RNF217: variants seen among roughly 807,000 people sequenced by gnomAD.
The protein encoded by RNF217 is ring finger protein 217.
RNF217 carries 31 observed loss-of-function variants against 57.8 expected under a neutral mutation model. The observed-to-expected ratio is 0.54, with a 90% CI of 0.40 to 0.72. RNF217 has a LOEUF of 0.72. Ranked by LOEUF, RNF217 falls within the 30% of genes least tolerant of loss-of-function variation. The probability of loss-of-function intolerance (pLI) is 0.00; values close to 1 mark genes in which losing one functional copy is unlikely to be tolerated. For synonymous variants in RNF217, 313 were observed against 294.0 expected (o/e 1.06, Z -0.66); for missense variants, 696 against 708.3 (o/e 0.98, Z 0.20).
intron 1 of RNF217, among the ~76,000 whole-genome samples, 175 bp from the exon 2 acceptor site, chr6:125,045,036 T>G (rs1479234696): frequency 6.6e-6 from 1 of 152,130 alleles, no homozygotes; most frequent in East Asian, 1.9e-4. Flanking sequence ...GTAGTGATTA[T>G]TTTGGTATTG....
rs574096900 is a variant in RNF217 at position 124,962,957 on chromosome 6, G to T, written c.413G>T (p.Arg138Leu). 4.4e-6 allele frequency: 7 copies of T among 1,597,426 alleles called. No individual in the cohort carries two copies. The highest frequency in any genetic ancestry group is 2.7e-5 in the African/African-American group (2 of 75,028). ...GGCGAAGAGCTGGAGCCCAGGACCCGCGTGGGGGCCGCCGACGGACTGGTC... is the reference window on the plus strand; with the variant it reads ...GGCGAAGAGCTGGAGCCCAGGACCCTCGTGGGGGCCGCCGACGGACTGGTC... Reference protein sequence around the residue: ...PPGEELEPRTRVGAADGLVLD... With the variant: ...PPGEELEPRTLVGAADGLVLD... Residue 138 changes from arginine to leucine, a missense_variant, in exon 1 of 6, where the codon CGC becomes CTC. Around this residue, in one of 2 missense-constraint regions of RNF217, gnomAD observed 465 missense variants for 386.8 expected, o/e 1.20. Transcript: ENST00000521654. The surrounding 1 kb of genome is among the most constrained non-coding windows in gnomAD (Gnocchi z 4.6).
At chr6:125,044,548 G>A (rs143842584) in intron 1 of RNF217, among the ~76,000 whole-genome samples, 57 of 152,008 alleles carry the variant, frequency 3.7e-4, no homozygotes, top group Non-Finnish European at 5.9e-4. Context: ...GTAAATTACC[G>A]CAGTAGCAGC....
chr6:125,034,915 C>A (rs9375384), intron 1 of RNF217, among the ~76,000 whole-genome samples: 62,408 of 151,574 alleles, frequency 0.41, 13,685 homozygotes, highest in South Asian at 0.57. Flanking sequence ...TCCTTCACAT[C>A]CCTTGTAAGT....
chr6:124,999,410 A>G (rs1170005344), intron 1 of RNF217, among the ~76,000 whole-genome samples: 1 of 150,200 alleles, frequency 6.7e-6, no homozygotes, highest in Non-Finnish European at 1.5e-5. Context: ...CTCTTCTCTC[A>G]TCTTTCCCAC....
chr6:125,009,464 A>C, intron 1 of RNF217: 1 of 475,188 alleles, frequency 2.1e-6, no homozygotes, highest in Non-Finnish European at 3.7e-6. Flanking sequence ...GAAAGAATGT[A>C]AGAAGGCAGA....
chr6:124,966,403 A>T (rs978392950), intron 1 of RNF217, among the ~76,000 whole-genome samples: 1 of 152,174 alleles, frequency 6.6e-6, no homozygotes, highest in African/African-American at 2.4e-5. Context: ...GCCCTACTGA[A>T]CCACATCAAA....
intron 2 of RNF217, among the ~76,000 whole-genome samples, chr6:125,052,786 T>C (rs1243081966): frequency 6.6e-6 from 1 of 152,138 alleles, no homozygotes; most frequent in Non-Finnish European, 1.5e-5. Context: ...TTTTTATAAC[T>C]ACAAGATTTC....
At position 125,086,181 on chromosome 6, in the gene RNF217, C is replaced by CTT. The variant is rs2114668631; in HGVS notation, c.*3244_*3245insTT. 1 of 152,018 alleles carries CTT rather than the reference C, an allele frequency of 6.6e-6. No individual in the cohort carries two copies. The highest frequency in any genetic ancestry group is 6.6e-5 in the Admixed American group (1 of 15,252). 9.4% of individuals were successfully genotyped at this position (152,018 alleles called of 1,614,324 possible). ...ATGAGGTCATAGAGATAATATGAGACCCTTTTTTGGATAAAAAGAAAGATT... is the reference window on the plus strand; with the variant it reads ...ATGAGGTCATAGAGATAATATGAGACTTCCTTTTTTGGATAAAAAGAAAGATT... On this transcript the variant is annotated 3_prime_UTR_variant, in exon 6 of 6. Coordinates refer to ENST00000521654, the MANE Select transcript of RNF217 (RefSeq NM_001286398.3).
intron 1 of RNF217, among the ~76,000 whole-genome samples, chr6:125,014,004 A>AT (rs1785514608): frequency 6.6e-6 from 1 of 152,174 alleles, no homozygotes; most frequent in East Asian, 1.9e-4. Flanking sequence ...AATTTATTTT[A>AT]TTTAAGATTT....
rs141521976 is a variant in RNF217, at chr6:124,999,788, G to A, written c.882+36362G>A. Among the ~76,000 whole-genome samples, 1,200 of 151,816 alleles carry A rather than the reference G, an allele frequency of 7.9e-3. 7 individuals carry two copies. The highest frequency in any genetic ancestry group is 0.012 in the Non-Finnish European group (806 of 67,896). On this transcript the variant is annotated intron_variant, in intron 1 of 5. Coordinates refer to ENST00000521654, the MANE Select transcript of RNF217 (RefSeq NM_001286398.3). ...CCTGGTGTTGACTTAGCATTGTAACGTTAAAAAAAAATCCAGTTGTACTTT... is the reference window on the plus strand; with the variant it reads ...CCTGGTGTTGACTTAGCATTGTAACATTAAAAAAAAATCCAGTTGTACTTT...
intron 1 of RNF217, among the ~76,000 whole-genome samples, chr6:124,975,382 T>G (rs529319901): frequency 6.6e-6 from 1 of 152,342 alleles, no homozygotes; most frequent in African/African-American, 2.4e-5. Context: ...CAGGTGACTC[T>G]GATATGGCCA....
At chr6:124,984,123 C>A (rs190011780) in intron 1 of RNF217, among the ~76,000 whole-genome samples, 168 of 152,248 alleles carry the variant, frequency 1.1e-3, no homozygotes, top group Admixed American at 4.1e-3. Context: ...ACATTCACAC[C>A]ACAGCAATAA....
chr6:124,992,129 G>C (rs1784583544), intron 1 of RNF217, among the ~76,000 whole-genome samples: 1 of 152,124 alleles, frequency 6.6e-6, no homozygotes, highest in Admixed American at 6.6e-5. Flanking sequence ...AAGCTACAAA[G>C]TAATGCCAGT....
intron 1 of RNF217, among the ~76,000 whole-genome samples, chr6:125,009,815 A>G (rs1785351384): frequency 6.6e-6 from 1 of 152,090 alleles, no homozygotes; most frequent in Admixed American, 6.6e-5. Context: ...TATCATCTCA[A>G]TTTTATTTCC....
At chr6:125,038,403 AT>A (rs1183329437) in intron 1 of RNF217, among the ~76,000 whole-genome samples, 1 of 152,118 alleles carries the variant, frequency 6.6e-6, no homozygotes, top group Non-Finnish European at 1.5e-5. Flanking sequence ...AGACTTCTTA[AT>A]TTTTTAGCCC....
At chr6:125,045,143 CA>C (rs34249175) in intron 1 of RNF217, 67 bp from the exon 2 acceptor site, 308,154 of 832,648 alleles carry the variant, frequency 0.37, 40,225 homozygotes, top group Non-Finnish European at 0.38. Context: ...ATACTGTATA[CA>C]AAAAAAAAAA....
chr6:125,011,116 G>A (rs1014893987), intron 1 of RNF217, among the ~76,000 whole-genome samples: 31 of 152,084 alleles, frequency 2.0e-4, no homozygotes, highest in African/African-American at 7.2e-4. Context: ...AAATGGAGCC[G>A]TTAAAAGGGA....
At chr6:124,967,741 G>A (rs1020833524) in intron 1 of RNF217, among the ~76,000 whole-genome samples, 1 of 152,016 alleles carries the variant, frequency 6.6e-6, no homozygotes, top group African/African-American at 2.4e-5. Context: ...TAAATTATGA[G>A]TCATCCAAAT....
At chr6:125,033,138 T>C (rs1339313256) in intron 1 of RNF217, among the ~76,000 whole-genome samples, 2 of 152,052 alleles carry the variant, frequency 1.3e-5, no homozygotes, top group Non-Finnish European at 2.9e-5. Context: ...GGCCATATAA[T>C]TAATACATTT....
Sources: allele counts gnomAD v4.1 joint callset (sites outside exome capture counted in the v4.1 genomes callset), GRCh38; gene constraint gnomAD v4.1.1; regional missense constraint gnomAD v4.1.1; non-coding constraint Gnocchi (gnomAD v3.1); transcripts MANE v1.5; gene names NCBI Gene and HGNC (gene_info 2026-07-23, HGNC 2026-07-21).